Variants in CDK5RAP2 observed in about 807,000 individuals in gnomAD.
CDK5RAP2 encodes CDK5 regulatory subunit associated protein 2, also known as CDK5 regulatory subunit-associated protein 2.
In CDK5RAP2, 147 loss-of-function variants were observed where a neutral mutation model predicts 232.9. That is an observed-to-expected ratio of 0.63 (90% confidence interval 0.55 to 0.72). The LOEUF (loss-of-function observed/expected upper bound fraction) is 0.72. Among genes scored for constraint, CDK5RAP2 ranks in the 30% least tolerant of loss-of-function variants. The pLI, the probability that CDK5RAP2 is intolerant of heterozygous loss-of-function variation, is 0.00. For missense variants in CDK5RAP2, 2,195 were observed against 2,231.5 expected, an observed-to-expected ratio of 0.98 and a Z score of 0.33; for synonymous variants, 833 against 833.7, an observed-to-expected ratio of 1.00 and a Z score of 0.01.
intron 9 of CDK5RAP2, among the ~76,000 whole-genome samples, chr9:120,528,275 C>G (rs1376028368): frequency 6.6e-6 from 1 of 151,758 alleles, no homozygotes; most frequent in East Asian, 1.9e-4. Context: ...TAATTTCATT[C>G]CTTCTCATGG....
At chr9:120,439,064 A>G (rs1416756652) in intron 24 of CDK5RAP2, among the ~76,000 whole-genome samples, 1 of 152,342 alleles carries the variant, frequency 6.6e-6, no homozygotes, top group East Asian at 1.9e-4. Flanking sequence ...TACACACTGC[A>G]GTTCAGCAAA....
chr9:120,518,421 A>G lies in CDK5RAP2; in HGVS notation c.1311+6T>C. On this transcript the variant is annotated splice_donor_region_variant and intron_variant, in intron 12 of 37. Transcript: ENST00000349780. ...CACTGTGTCAGAAGGGCAGGGCGGT[A>G]CTCACACGGATGGTGCAGTCTCCTT... 6.2e-7 allele frequency: 1 copy of G among 1,611,540 alleles called. No individual in the cohort carries two copies. The highest frequency in any genetic ancestry group is 8.5e-7 in the Non-Finnish European group (1 of 1,178,558).
chr9:120,433,869 C>A (rs957887364), intron 25 of CDK5RAP2, among the ~76,000 whole-genome samples: 1 of 152,218 alleles, frequency 6.6e-6, no homozygotes, highest in Non-Finnish European at 1.5e-5. Flanking sequence ...ACTAGATTCA[C>A]TGACTCACTC....
At chr9:120,487,766 G>C (rs2038690281) in intron 13 of CDK5RAP2, among the ~76,000 whole-genome samples, 1 of 152,198 alleles carries the variant, frequency 6.6e-6, no homozygotes, top group African/African-American at 2.4e-5. Context: ...AACAGACCTG[G>C]TTCCAAACCT....
In CDK5RAP2 at chr9:120,460,658, T is replaced by C; in HGVS notation, c.2116A>G (p.Ser706Gly). 1 of 1,614,076 alleles carries C rather than the reference T, an allele frequency of 6.2e-7. No individual in the cohort carries two copies. Among genetic ancestry groups the C allele is most frequent in the Non-Finnish European group, 8.5e-7 (1 of 1,179,956 alleles). The change falls in exon 19 of 38, where the codon AGC becomes GGC. Residue 706 changes from serine (S) to glycine (G), a missense_variant. By Grantham distance (56) the Ser-to-Gly change is moderately conservative (BLOSUM62 0). Coordinates refer to ENST00000349780, the MANE Select transcript of CDK5RAP2 (RefSeq NM_018249.6). ...TTGATCGTGTCCTCGTCCTCCTTGC[T>C]AGCCAGAAGCTACATGGAGCATGGA... Reference protein sequence around the residue: ...ASTEQTELLASKEDEDTIKIG... With the variant: ...ASTEQTELLAGKEDEDTIKIG...
At position 120,453,888 on chromosome 9, in the gene CDK5RAP2, G is replaced by T; in HGVS notation, c.2376-15C>A. ...GAAGGTCTGGCCTGTTTTTCCAAAA[G>T]GGAAGGAAGTGGGAGAACCAAGCTT... On this transcript the variant is annotated splice_polypyrimidine_tract_variant and intron_variant, in intron 20 of 37. Transcript: ENST00000349780. The T allele has an allele frequency of 6.2e-7, 1 of 1,613,828 alleles. No individual in the cohort carries two copies. Among genetic ancestry groups the T allele is most frequent in the South Asian group, 1.1e-5 (1 of 91,038 alleles).
chr9:120,442,087 A>C (rs2035933099), intron 23 of CDK5RAP2, among the ~76,000 whole-genome samples: 1 of 152,228 alleles, frequency 6.6e-6, no homozygotes, highest in Non-Finnish European at 1.5e-5. Flanking sequence ...GTGTTCACTC[A>C]TGGAAATAAA....
chr9:120,460,582 T>C lies in CDK5RAP2; in HGVS notation c.2192A>G (p.Gln731Arg). 6.2e-7 allele frequency: 1 copy of C among 1,614,144 alleles called. No homozygotes were observed. Among genetic ancestry groups the C allele is most frequent in the South Asian group, 1.1e-5 (1 of 91,082 alleles). Residue 731 changes from glutamine to arginine, a missense_variant, in exon 19 of 38, where the codon CAG becomes CGG. By Grantham distance (43) the Gln-to-Arg change is conservative. Transcript: ENST00000349780. ...CTGAAAGGTTCCTACCTCATTACTCTGCTGCAAATGCTGGTCACTCAGGAA... is the reference window on the plus strand; with the variant it reads ...CTGAAAGGTTCCTACCTCATTACTCCGCTGCAAATGCTGGTCACTCAGGAA... Reference protein sequence around the residue: ...INFLSDQHLQQSNEIMKDLSK... With the variant: ...INFLSDQHLQRSNEIMKDLSK...
intron 25 of CDK5RAP2, among the ~76,000 whole-genome samples, chr9:120,433,239 C>T (rs1011050834): frequency 1.2e-4 from 19 of 152,160 alleles, no homozygotes; most frequent in South Asian, 4.1e-4. Flanking sequence ...ATCCTGGTTC[C>T]GCCAAGTCAG....
intron 23 of CDK5RAP2, 95 bp downstream of exon 23, chr9:120,443,525 G>T: frequency 7.5e-7 from 1 of 1,329,480 alleles, no homozygotes; most frequent in Non-Finnish European, 1.1e-6. Context: ...CCCTGAGAGG[G>T]CTGCTATGGG....
intron 7 of CDK5RAP2, among the ~76,000 whole-genome samples, chr9:120,534,908 C>A (rs1185839306): frequency 1.3e-5 from 2 of 152,158 alleles, no homozygotes; most frequent in Non-Finnish European, 2.9e-5. Context: ...CAAGGGAACA[C>A]GGAAATGATT....
intron 12 of CDK5RAP2, among the ~76,000 whole-genome samples, chr9:120,497,710 A>G (rs537063916): frequency 3.7e-4 from 56 of 152,286 alleles, no homozygotes; most frequent in Non-Finnish European, 7.6e-4. Flanking sequence ...TGCCAAAAAC[A>G]CATAACCTCA....
chr9:120,501,823 G>A (rs1009542480), intron 12 of CDK5RAP2, among the ~76,000 whole-genome samples: 2 of 152,162 alleles, frequency 1.3e-5, no homozygotes, highest in South Asian at 2.1e-4. Flanking sequence ...TCCTTGGCTC[G>A]CAAACTCATT....
chr9:120,466,701 T>C (rs1308556007), intron 18 of CDK5RAP2, among the ~76,000 whole-genome samples: 1 of 152,198 alleles, frequency 6.6e-6, no homozygotes, highest in Admixed American at 6.5e-5. Flanking sequence ...TCTAGAGTCC[T>C]GGAGGCTAAG....
chr9:120,480,526 CCAT>C (rs1266790071), intron 14 of CDK5RAP2, among the ~76,000 whole-genome samples: 2 of 152,192 alleles, frequency 1.3e-5, no homozygotes, highest in African/African-American at 4.8e-5. Context: ...ATACTCACCA[CCAT>C]ATCTTACTAT....
At chr9:120,429,969 TATCTG>T (rs1450819961) in intron 25 of CDK5RAP2, among the ~76,000 whole-genome samples, 11 of 152,256 alleles carry the variant, frequency 7.2e-5, no homozygotes, top group South Asian at 4.2e-4. Context: ...TATCTACAAC[TATCTG>T]ATCTTTGACA....
chr9:120,402,522 G>C (rs191674257), intron 34 of CDK5RAP2, among the ~76,000 whole-genome samples: 1 of 152,330 alleles, frequency 6.6e-6, no homozygotes, highest in Non-Finnish European at 1.5e-5. Context: ...GGTGCAGATG[G>C]AGAGAAGAAT....
chr9:120,459,109 T>C (rs1296561332), intron 19 of CDK5RAP2, among the ~76,000 whole-genome samples: 1 of 152,230 alleles, frequency 6.6e-6, no homozygotes. Flanking sequence ...ATCCTCCTTA[T>C]TATATATCAC....
chr9:120,409,522 G>A (rs936662585), intron 29 of CDK5RAP2, among the ~76,000 whole-genome samples: 3 of 152,170 alleles, frequency 2.0e-5, no homozygotes, highest in Non-Finnish European at 4.4e-5. Flanking sequence ...GGATAAAATG[G>A]GCCTGTTTAA....
Sources: allele counts gnomAD v4.1 joint callset (sites outside exome capture counted in the v4.1 genomes callset), GRCh38; gene constraint gnomAD v4.1.1; transcripts MANE v1.5; gene names NCBI Gene and HGNC (gene_info 2026-07-23, HGNC 2026-07-21).